Variants in TAF8 observed in about 807,000 individuals in gnomAD.
The protein encoded by TAF8 is TATA-box binding protein associated factor 8.
TAF8 carries 47 observed loss-of-function variants against 36.5 expected under a neutral mutation model. That is an observed-to-expected ratio of 1.29 (90% CI 1.02 to 1.64). The LOEUF (loss-of-function observed/expected upper bound fraction) is 1.64, where lower values mean the gene tolerates loss of function less well. TAF8 is among the 40% of genes most tolerant of loss of function. The pLI, the probability that TAF8 is intolerant of heterozygous loss-of-function variation, is 0.00. For missense variants in TAF8, 420 were observed against 407.6 expected (o/e 1.03, Z -0.26); for synonymous variants, 175 against 159.5 (o/e 1.10, Z -0.73).
chr6:42,074,956 G>T (rs150263156), intron 7 of TAF8, among the ~76,000 whole-genome samples: 1 of 151,930 alleles, frequency 6.6e-6, no homozygotes, highest in East Asian at 1.9e-4. Context: ...CTGCCGTCCT[G>T]CTCTTGTGAG....
chr6:42,068,498 T>C lies in TAF8; in HGVS notation c.671T>C (p.Leu224Pro). The C allele has an allele frequency of 6.2e-7, 1 of 1,614,136 alleles. No homozygotes were observed. Residue 224 changes from leucine (L) to proline (P), a missense_variant, in exon 7 of 9, where the codon CTG becomes CCG. Physicochemically the swap from Leu to Pro is moderately conservative, Grantham distance 98. Coordinates refer to ENST00000372977, the MANE Select transcript of TAF8 (RefSeq NM_138572.3). ...IAARPFTIPY[L>P]TALLPSELEM... ...GCCAGACCTTTCACCATCCCCTACC[T>C]GACAGCTCTTCTTCCGTCTGAACTG... is the stretch of plus-strand genomic sequence containing the variant.
Position 42,068,492 on chromosome 6 carries a change from C to T in TAF8, c.665C>T (p.Pro222Leu). Residue 222 changes from proline (P) to leucine (L), a missense_variant, in exon 7 of 9, where the codon CCC becomes CTC. Transcript: ENST00000372977. The stretch of plus-strand genomic sequence containing the variant: ...ATTGCTGCCAGACCTTTCACCATCC[C>T]CTACCTGACAGCTCTTCTTCCGTCT... ...PLIAARPFTI[P>L]YLTALLPSEL... The T allele has an allele frequency of 6.2e-7, 1 of 1,614,122 alleles. No homozygotes were observed. Among genetic ancestry groups the T allele is most frequent in the Non-Finnish European group, 8.5e-7 (1 of 1,180,036 alleles).
downstream of TAF8, chr6:42,086,815 A>G: frequency 6.9e-7 from 1 of 1,458,242 alleles, no homozygotes; most frequent in Non-Finnish European, 9.4e-7. Flanking sequence ...AAAGGTCAAG[A>G]AAGACACACA....
chr6:42,051,224 T>A (rs1764769146), intron 1 of TAF8, 133 bp from the exon 2 acceptor site: 1 of 1,310,168 alleles, frequency 7.6e-7, no homozygotes. Context: ...CCAAGATCTG[T>A]AAATCTAAAC....
intron 7 of TAF8, among the ~76,000 whole-genome samples, chr6:42,075,516 C>T (rs1321060859): frequency 6.6e-6 from 1 of 152,210 alleles, no homozygotes; most frequent in Non-Finnish European, 1.5e-5. Flanking sequence ...TGCCCTAGGC[C>T]AGCTGTCCTG....
intron 5 of TAF8, among the ~76,000 whole-genome samples, chr6:42,059,322 G>T (rs1456083533): frequency 6.6e-6 from 1 of 151,900 alleles, no homozygotes; most frequent in Non-Finnish European, 1.5e-5. Flanking sequence ...GGCAGAGCTT[G>T]CAGTGAGCCG....
Position 42,057,491 on chromosome 6 carries a change from C to G in TAF8, c.467C>G (p.Pro156Arg). ...AGCCATTTTCCTGAGTTCCCTGATC[C>G]CCACACCTACATCAAAACTCCGGTG... is the stretch of plus-strand genomic sequence containing the variant. Reference protein sequence around the residue: ...IPSHFPEFPDPHTYIKTPTYR... With the variant: ...IPSHFPEFPDRHTYIKTPTYR... The change falls in exon 5 of 9, where the codon CCC becomes CGC. Residue 156 changes from proline (P) to arginine (R), a missense_variant. Coordinates refer to ENST00000372977, the MANE Select transcript of TAF8 (RefSeq NM_138572.3). The G allele has an allele frequency of 3.1e-6, 5 of 1,614,074 alleles. No individual in the cohort carries two copies. The highest frequency in any genetic ancestry group is 4.2e-6 in the Non-Finnish European group (5 of 1,180,026).
intron 2 of TAF8, among the ~76,000 whole-genome samples, chr6:42,054,177 C>T (rs1415380924): frequency 1.3e-5 from 2 of 152,156 alleles, no homozygotes; most frequent in Non-Finnish European, 2.9e-5. Flanking sequence ...AGCTCATTCA[C>T]AGAGCCGAGC....
chr6:42,065,712 AC>A (rs1043673607), intron 5 of TAF8, among the ~76,000 whole-genome samples: 2 of 152,134 alleles, frequency 1.3e-5, no homozygotes, highest in African/African-American at 4.8e-5. Context: ...CGTCTCTTAG[AC>A]CCGAGACCAT....
At chr6:42,070,068 G>A (rs1227623075) in intron 7 of TAF8, among the ~76,000 whole-genome samples, 3 of 152,168 alleles carry the variant, frequency 2.0e-5, no homozygotes, top group African/African-American at 7.2e-5. Context: ...CAGTAAGAAT[G>A]AGAGCGAAGA....
In TAF8 at chr6:42,068,450, C is replaced by T. The variant is rs755099587; in HGVS notation, c.638-15C>T. ...TCTGTGACAGTGGACTCATGCCTCT[C>T]TTCCAATTCGCCAGTGATTGCTGCC... On this transcript the variant is annotated splice_polypyrimidine_tract_variant and intron_variant, in intron 6 of 8. Transcript: ENST00000372977. The T allele has an allele frequency of 1.2e-6, 2 of 1,613,716 alleles. No individual in the cohort carries two copies. The highest frequency in any genetic ancestry group is 1.7e-5 in the Admixed American group (1 of 60,024).
In TAF8 at chr6:42,079,875, C is replaced by G; in HGVS notation, c.*2330C>G. On this transcript the variant is annotated 3_prime_UTR_variant, in exon 9 of 9. Transcript: ENST00000372977. ...AGCCCATCTCTTAGTCTTCCATTCC[C>G]TTGGTGAATTTGGAAACTTGAAAAA... is the stretch of plus-strand genomic sequence containing the variant. The G allele has an allele frequency of 2.0e-6, 2 of 985,288 alleles. No homozygotes were observed. Among genetic ancestry groups the G allele is most frequent in the Non-Finnish European group, 2.4e-6 (2 of 829,946 alleles). The allele number at this position is 985,288 out of a possible 1,614,324, so 61.0% of individuals were successfully genotyped here. A position where few individuals can be genotyped will look rare whatever the true frequency, so the allele number is the denominator to read the frequency against.
rs1422321833 is a variant in TAF8 at position 42,080,105 on chromosome 6, C to A, written c.*2560C>A. 1 of 985,226 alleles carries A rather than the reference C, an allele frequency of 1.0e-6. No homozygotes were observed. The highest frequency in any genetic ancestry group is 1.7e-5 in the African/African-American group (1 of 57,214). The allele number at this position is 985,226 out of a possible 1,614,324, so 61.0% of individuals were successfully genotyped here. A position where few individuals can be genotyped will look rare whatever the true frequency, so the allele number is the denominator to read the frequency against. On this transcript the variant is annotated 3_prime_UTR_variant, in exon 9 of 9. Coordinates refer to ENST00000372977, the MANE Select transcript of TAF8 (RefSeq NM_138572.3). The stretch of plus-strand genomic sequence containing the variant: ...CAGTTAGACTGGCCTATGTGGCCTT[C>A]TCAGGGTTTGTGATTCAGTTCTTAG...
At chr6:42,072,168 C>T (rs1290583206) in intron 7 of TAF8, among the ~76,000 whole-genome samples, 1 of 152,208 alleles carries the variant, frequency 6.6e-6, no homozygotes, top group African/African-American at 2.4e-5. Context: ...TATCAGGTGC[C>T]TGGCATGTGG....
chr6:42,076,508 T>C (rs1047315450), intron 7 of TAF8, among the ~76,000 whole-genome samples: 2 of 152,180 alleles, frequency 1.3e-5, no homozygotes, highest in African/African-American at 4.8e-5. Context: ...ACCAATGATG[T>C]GCATGTGCTG....
chr6:42,079,593 C>T lies in TAF8; in HGVS notation c.*2048C>T. ...CTCCTTTTATTTTGAGACAGGGTCTCGCTGTGTCGCCCCAGCTGGAGTATA... is the reference window on the plus strand; with the variant it reads ...CTCCTTTTATTTTGAGACAGGGTCTTGCTGTGTCGCCCCAGCTGGAGTATA... On this transcript the variant is annotated 3_prime_UTR_variant, in exon 9 of 9. Coordinates refer to ENST00000372977, the MANE Select transcript of TAF8 (RefSeq NM_138572.3). 2.0e-6 allele frequency: 2 copies of T among 983,822 alleles called. No individual in the cohort carries two copies. Among genetic ancestry groups the T allele is most frequent in the Non-Finnish European group, 2.4e-6 (2 of 828,610 alleles). The allele number at this position is 983,822 out of a possible 1,614,324, so 60.9% of individuals were successfully genotyped here. A position where few individuals can be genotyped will look rare whatever the true frequency, so the allele number is the denominator to read the frequency against.
intron 5 of TAF8, among the ~76,000 whole-genome samples, chr6:42,061,316 AATAAT>A (rs1365837247): frequency 6.6e-6 from 1 of 152,198 alleles, no homozygotes; most frequent in Non-Finnish European, 1.5e-5. Context: ...GACACATACT[AATAAT>A]ATATTTATAC....
chr6:42,055,821 C>T (rs944180976), intron 3 of TAF8, 131 bp from the exon 4 acceptor site: 3 of 769,906 alleles, frequency 3.9e-6, no homozygotes, highest in Non-Finnish European at 6.7e-6. Flanking sequence ...GGGAATTCTG[C>T]CAGAGCTTCT....
At chr6:42,084,983 G>T (rs1343802152), downstream of TAF8, among the ~76,000 whole-genome samples, 1 of 152,214 alleles carries the variant, frequency 6.6e-6, no homozygotes, top group Non-Finnish European at 1.5e-5. Context: ...TAAAGGAGAT[G>T]GAGACTTCCA....
Sources: gnomAD v4.1 joint callset for allele counts (sites outside exome capture counted in the v4.1 genomes callset) on GRCh38, gnomAD v4.1.1 for gene constraint, MANE v1.5 for transcripts, NCBI Gene and HGNC (gene_info 2026-07-23, HGNC 2026-07-21) for gene names.